TTC1: variants seen among roughly 807,000 people sequenced by gnomAD.
TTC1 encodes tetratricopeptide repeat domain 1, also known as tetratricopeptide repeat protein 1.
TTC1 carries 31 observed loss-of-function variants against 37.6 expected under a neutral mutation model. That is an observed-to-expected ratio of 0.82 (90% CI 0.62 to 1.11). The LOEUF is 1.11. Ranked by LOEUF, TTC1 falls within the 50% of genes most tolerant of loss-of-function variation. TTC1 has a pLI of 0.00. For synonymous variants in TTC1, 127 were observed against 122.4 expected, an observed-to-expected ratio of 1.04 and a Z score of -0.25; for missense variants, 351 against 339.0, an observed-to-expected ratio of 1.04 and a Z score of -0.28.
intron 2 of TTC1, chr5:160,023,986 C>T: frequency 6.5e-7 from 1 of 1,542,440 alleles, no homozygotes; most frequent in Non-Finnish European, 9.0e-7. Context: ...CACCTGGTTG[C>T]ATGAAACAAT....
Position 160,010,497 on chromosome 5 carries a change from C to G in TTC1, c.-29-3C>G. 2 of 1,581,594 alleles carry G rather than the reference C, an allele frequency of 1.3e-6. No individual in the cohort carries two copies. Among genetic ancestry groups the G allele is most frequent in the Admixed American group, 3.6e-5 (2 of 55,604 alleles). On this transcript the variant is annotated splice_region_variant and splice_polypyrimidine_tract_variant and intron_variant, in intron 1 of 7. Transcript: ENST00000231238. ...ATAGCAGTTTTGTTTTGTTTTCCCC[C>G]AGCTTTAGCGTCACCTCCCTCACTG...
chr5:160,041,337 G>C (rs1349449139), intron 4 of TTC1, among the ~76,000 whole-genome samples: 2 of 140,448 alleles, frequency 1.4e-5, no homozygotes, highest in Non-Finnish European at 3.0e-5. Context: ...TTTGGAGATA[G>C]AGTTACTCTG....
In TTC1 at chr5:160,035,096, T is replaced by C. The variant is rs765490441; in HGVS notation, c.331-44T>C. ...GAAAGCTCACCTTTTTGTTCACTTATAATAATATTGTGAGAAATTATGTAA... is the reference window on the plus strand; with the variant it reads ...GAAAGCTCACCTTTTTGTTCACTTACAATAATATTGTGAGAAATTATGTAA... On this transcript the variant is annotated intron_variant, in intron 2 of 7. Transcript: ENST00000231238. The C allele has an allele frequency of 5.9e-6, 9 of 1,531,296 alleles. No homozygotes were observed. In the Admixed American group the frequency reaches 8.2e-5, roughly 14 times the overall value. The allele number at this position is 1,531,296 out of a possible 1,614,324, so 94.9% of individuals were successfully genotyped here. A position where few individuals can be genotyped will look rare whatever the true frequency, so the allele number is the denominator to read the frequency against.
intron 1 of TTC1, among the ~76,000 whole-genome samples, chr5:160,009,824 C>G (rs1756463908): frequency 6.6e-6 from 1 of 152,082 alleles, no homozygotes; most frequent in Non-Finnish European, 1.5e-5. Context: ...TGAGTGGGCT[C>G]TACCACACGC....
In TTC1 at chr5:160,009,918, T is replaced by C. The variant is rs111840970; in HGVS notation, c.-29-582T>C. On this transcript the variant is annotated intron_variant, in intron 1 of 7. Transcript: ENST00000231238. ...CGTATTCTTGGGCTTCCTGTGGTGG[T>C]GCTAAAAAGACGGACCGTAGTTTCT... is the stretch of plus-strand genomic sequence containing the variant. Among the ~76,000 whole-genome samples the C allele has an allele frequency of 4.9e-3, 749 of 152,320 alleles. 4 individuals carry two copies. The highest frequency in any genetic ancestry group is 0.017 in the African/African-American group (721 of 41,574).
In TTC1 at chr5:160,045,510, ACACATACACACTCTCTCT is replaced by A. The variant is rs1242786260; in HGVS notation, c.541+2343_541+2360del. On this transcript the variant is annotated intron_variant, in intron 5 of 7. Transcript: ENST00000231238. The stretch of plus-strand genomic sequence containing the variant: ...CACACACACACACACACACACACAC[ACACATACACACTCTCTCT>A]CTCTCTCTCTCTCTCTCTCTCTCTC... Among the ~76,000 whole-genome samples the A allele has an allele frequency of 1.0e-3, 60 of 58,576 alleles. 1 individual carries two copies. Among genetic ancestry groups the A allele is most frequent in the African/African-American group, 3.5e-3 (45 of 12,768 alleles). 38.4% of individuals were successfully genotyped at this position (58,576 alleles called of 152,430 possible).
chr5:160,022,219 A>C (rs762154538), intron 2 of TTC1, among the ~76,000 whole-genome samples: 1 of 152,208 alleles, frequency 6.6e-6, no homozygotes, highest in Non-Finnish European at 1.5e-5. Context: ...ATAAGCTCAA[A>C]GTCAAGTGTG....
rs369202073 is a variant in TTC1 at position 160,015,508 on chromosome 5, A to G, written c.330+4650A>G. ...AGGTGTGAGCTGCTGCGCCTGGCCT[A>G]TAAAAACTCTTGAACTAGAAATCTG... On this transcript the variant is annotated intron_variant, in intron 2 of 7. Coordinates refer to ENST00000231238, the MANE Select transcript of TTC1 (RefSeq NM_003314.3). 7.2e-5 allele frequency among the ~76,000 whole-genome samples: 11 copies of G among 152,276 alleles called. No homozygotes were observed. In the East Asian group the frequency reaches 1.9e-3, roughly 27 times the overall value.
chr5:160,040,475 G>A (rs116472564), intron 4 of TTC1, among the ~76,000 whole-genome samples: 2,149 of 151,956 alleles, frequency 0.014, 46 homozygotes, highest in African/African-American at 0.048. Context: ...TTGGTTTACT[G>A]TGCCTTGTTT....
At chr5:160,019,175 A>G (rs950286062) in intron 2 of TTC1, among the ~76,000 whole-genome samples, 1 of 152,190 alleles carries the variant, frequency 6.6e-6, no homozygotes, top group African/African-American at 2.4e-5. Context: ...AAGGGATCCA[A>G]AAGTCTGTTG....
intron 2 of TTC1, among the ~76,000 whole-genome samples, chr5:160,019,725 C>A (rs1241634444): frequency 6.6e-6 from 1 of 151,800 alleles, no homozygotes; most frequent in Non-Finnish European, 1.5e-5. Context: ...GCTGGGGCTA[C>A]AGGCGTGTGC....
intron 2 of TTC1, among the ~76,000 whole-genome samples, chr5:160,020,706 C>A (rs760629605): frequency 7.2e-5 from 11 of 152,232 alleles, no homozygotes; most frequent in Non-Finnish European, 1.5e-4. Context: ...TTGCCTGCTC[C>A]TTACAAGAAT....
chr5:160,053,357 C>G (rs909718152), intron 7 of TTC1, among the ~76,000 whole-genome samples: 7 of 152,072 alleles, frequency 4.6e-5, no homozygotes, highest in African/African-American at 1.7e-4. Context: ...ATTTGGGAGG[C>G]TGAGCCCGAG....
In TTC1 at chr5:160,065,025, ACTC is replaced by A; in HGVS notation, c.841_843del (p.Ser281del). ...AAACAGGATTCCTCTACCGGCTCGT[ACTC>A]CATCAATTTCGTTCAAAATCCAAAT... On this transcript the variant is annotated inframe_deletion, in exon 8 of 8. Transcript: ENST00000231238. 1 of 1,613,408 alleles carries A rather than the reference ACTC, an allele frequency of 6.2e-7. No individual in the cohort carries two copies. Among genetic ancestry groups the A allele is most frequent in the Non-Finnish European group, 8.5e-7 (1 of 1,179,918 alleles).
At position 160,013,891 on chromosome 5, in the gene TTC1, C is replaced by G. The variant is rs535785698; in HGVS notation, c.330+3033C>G. ...TATGTCACTTCATGGGATGCAGATA[C>G]CAAATTTTTATGTGACCATTTCTTT... On this transcript the variant is annotated intron_variant, in intron 2 of 7. Coordinates refer to ENST00000231238, the MANE Select transcript of TTC1 (RefSeq NM_003314.3). 5.9e-5 allele frequency among the ~76,000 whole-genome samples: 9 copies of G among 152,098 alleles called. No homozygotes were observed. The South Asian group carries it at 1.9e-3, about 32-fold the overall frequency.
chr5:160,048,126 CTTTTTTTTTTTTT>C (rs56201199), intron 5 of TTC1, among the ~76,000 whole-genome samples: 30 of 35,570 alleles, frequency 8.4e-4, no homozygotes, highest in African/African-American at 3.7e-3. Flanking sequence ...CAAGACATTG[CTTTTTTTTTTTTT>C]TTTTTTTTTT....
chr5:160,018,675 T>C (rs1437152836), intron 2 of TTC1, among the ~76,000 whole-genome samples: 1 of 152,104 alleles, frequency 6.6e-6, no homozygotes. Flanking sequence ...AGGAAACAGA[T>C]GGATAATTTT....
chr5:160,043,222 C>T (rs961578169), intron 5 of TTC1, 53 bp downstream of exon 5: 12 of 1,602,730 alleles, frequency 7.5e-6, no homozygotes, highest in Admixed American at 1.7e-5. Flanking sequence ...TTATGTCAGA[C>T]AGAGGGGCTT....
intron 2 of TTC1, among the ~76,000 whole-genome samples, chr5:160,025,834 G>A (rs560643460): frequency 3.3e-5 from 5 of 152,282 alleles, no homozygotes; most frequent in South Asian, 2.1e-4. Context: ...GGGCTCAAGC[G>A]ATTCTCCCAC....
Sources: allele counts gnomAD v4.1 joint callset (sites outside exome capture counted in the v4.1 genomes callset), GRCh38; gene constraint gnomAD v4.1.1; transcripts MANE v1.5; gene names NCBI Gene and HGNC (gene_info 2026-07-23, HGNC 2026-07-21).